The following PHF10 variants were observed in gnomAD, a reference collection of about 807,000 sequenced individuals.
The protein encoded by PHF10 is PHD finger protein 10.
A neutral mutation model predicts 68.5 loss-of-function variants in PHF10; 51 were observed. The ratio of observed to expected loss-of-function variants is 0.74; its 90% confidence interval spans 0.59 to 0.94. The LOEUF is 0.94. Ranked by LOEUF, PHF10 falls within the 40% of genes least tolerant of loss-of-function variation. The probability of loss-of-function intolerance (pLI) is 0.00; values close to 1 mark genes in which losing one functional copy is unlikely to be tolerated. For missense variants in PHF10, 460 were observed against 602.6 expected (o/e 0.76, Z 2.48); for synonymous variants, 204 against 203.5 (o/e 1.00, Z -0.02).
chr6:169,711,106 G>A (rs1181320705), intron 8 of PHF10, among the ~76,000 whole-genome samples: 2 of 152,026 alleles, frequency 1.3e-5, no homozygotes, highest in Non-Finnish European at 2.9e-5. Flanking sequence ...AAACATGAAT[G>A]TATCTACTTT....
chr6:169,712,637 C>T lies in PHF10; in HGVS notation c.804-98G>A. ...AGATAGCCTTAAACTTCTTGAGTAACCCCGAAGACTTTTGAAAACTAGAGT... is the reference window on the plus strand; with the variant it reads ...AGATAGCCTTAAACTTCTTGAGTAATCCCGAAGACTTTTGAAAACTAGAGT... On this transcript the variant is annotated intron_variant, in intron 7 of 11. Coordinates refer to ENST00000339209, the MANE Select transcript of PHF10 (RefSeq NM_018288.4). The T allele has an allele frequency of 1.1e-5, 11 of 1,006,406 alleles. No individual in the cohort carries two copies. In the South Asian group the frequency reaches 1.7e-4, roughly 16 times the overall value. 62.3% of individuals were successfully genotyped at this position (1,006,406 alleles called of 1,614,324 possible).
chr6:169,717,870 A>G lies in PHF10; in HGVS notation c.362T>C (p.Leu121Pro), dbSNP rs1420266186. The G allele has an allele frequency of 6.4e-7, 1 of 1,573,552 alleles. No homozygotes were observed. Among genetic ancestry groups the G allele is most frequent in the East Asian group, 2.3e-5 (1 of 44,416 alleles). Reference protein sequence around the residue: ...ERRDLSHKEKLYLRELNVITE... With the variant: ...ERRDLSHKEKPYLRELNVITE... ...AATGACATTTAGCTCTCTCAGGTAG[A>G]GTTTCTCCTTGTGAGACAAATCTCG... The change falls in exon 4 of 12, where the codon CTC becomes CCC. Residue 121 changes from leucine to proline, a missense_variant. Around this residue, in one of 3 missense-constraint regions of PHF10, gnomAD observed 256 missense variants for 410.5 expected, o/e 0.62. Coordinates refer to ENST00000339209, the MANE Select transcript of PHF10 (RefSeq NM_018288.4).
intron 9 of PHF10, chr6:169,709,381 A>C (rs1273003759): frequency 1.3e-5 from 2 of 152,180 alleles, no homozygotes; most frequent in Non-Finnish European, 2.9e-5. Flanking sequence ...AATACATTTC[A>C]GACCAAAAGA....
At position 169,715,439 on chromosome 6, in the gene PHF10, C is replaced by T. The variant is rs372226323; in HGVS notation, c.693+269G>A. Reference sequence around the variant, plus strand: ...AAAATTAGCTGGGTGTGGTGGCAGGCGCCTGTAATCCCAGCTAATGGGGAG... The same window carrying T: ...AAAATTAGCTGGGTGTGGTGGCAGGTGCCTGTAATCCCAGCTAATGGGGAG... On this transcript the variant is annotated intron_variant, in intron 6 of 11. Coordinates refer to ENST00000339209, the MANE Select transcript of PHF10 (RefSeq NM_018288.4). Among the ~76,000 whole-genome samples, 42 of 152,142 alleles carry T rather than the reference C, an allele frequency of 2.8e-4. No homozygotes were observed. The South Asian group carries it at 4.0e-3, about 14-fold the overall frequency.
intron 1 of PHF10, among the ~76,000 whole-genome samples, chr6:169,722,479 T>C (rs542064013): frequency 6.6e-5 from 10 of 152,328 alleles, no homozygotes; most frequent in South Asian, 6.2e-4. Context: ...AGCTAAAAAG[T>C]TGAGACACTC....
At chr6:169,704,879 A>C (rs568761769) in intron 11 of PHF10, 46 of 360,560 alleles carry the variant, frequency 1.3e-4, no homozygotes, top group Middle Eastern at 7.6e-4. Context: ...TTCAGTAGAA[A>C]AACACCAGCT....
Position 169,704,009 on chromosome 6 carries a change from C to T in PHF10, c.1491G>A (p.Glu497=), listed in dbSNP as rs757890809. ...ATTAGAGTCAAAAACTATTTTATCC[C>T]TCTTTGCTGTTTTTCCCCCTTCTGC... ...KVGRRGKNSK[E]G is the part of the protein sequence containing the mutation. The change falls in exon 12 of 12, where the codon GAG becomes GAA. Residue 497 remains glutamate (E), a synonymous_variant. Transcript: ENST00000339209. 4 of 1,600,182 alleles carry T rather than the reference C, an allele frequency of 2.5e-6. No homozygotes were observed. Among genetic ancestry groups the T allele is most frequent in the East Asian group, 4.5e-5 (2 of 44,056 alleles).
In PHF10 at chr6:169,715,637, G is replaced by T. The variant is rs554271248; in HGVS notation, c.693+71C>A. On this transcript the variant is annotated intron_variant, in intron 6 of 11. Transcript: ENST00000339209. ...GGTGGTACAAAAAATAACGATAAAG[G>T]GGGTGATGGGCACTCTGCAATAACA... The T allele has an allele frequency of 4.5e-5, 55 of 1,223,206 alleles. No homozygotes were observed. In the South Asian group the frequency reaches 6.9e-4, roughly 15 times the overall value. 75.8% of individuals were successfully genotyped at this position (1,223,206 alleles called of 1,614,324 possible).
chr6:169,708,834 C>T (rs550302393), intron 9 of PHF10: 44 of 152,318 alleles, frequency 2.9e-4, no homozygotes, highest in African/African-American at 9.6e-4. Flanking sequence ...TGAGCGGCCA[C>T]TTCCATTTAA....
In PHF10 at chr6:169,705,604, T is replaced by C; in HGVS notation, c.1222+12A>G. On this transcript the variant is annotated intron_variant, in intron 10 of 11. Transcript: ENST00000339209. ...GGTGGTTAAAATTTTAAAAAGACAT[T>C]TCAATACTTACCACTATTCTCACAT... The C allele has an allele frequency of 8.0e-7, 1 of 1,257,396 alleles. No individual in the cohort carries two copies. The allele number at this position is 1,257,396 out of a possible 1,614,324, so 77.9% of individuals were successfully genotyped here. A position where few individuals can be genotyped will look rare whatever the true frequency, so the allele number is the denominator to read the frequency against.
intron 3 of PHF10, 68 bp downstream of exon 3, chr6:169,718,720 C>T (rs1157315375): frequency 7.7e-6 from 7 of 910,014 alleles, no homozygotes; most frequent in Non-Finnish European, 1.2e-5. Flanking sequence ...CAGAAAAATT[C>T]AGAAGTTGAC....
At chr6:169,721,690 A>AGG in intron 1 of PHF10, among the ~76,000 whole-genome samples, 1 of 145,874 alleles carries the variant, frequency 6.9e-6, no homozygotes, top group South Asian at 2.2e-4. Flanking sequence ...TTTTTTAAAG[A>AGG]AGATTATATA....
At chr6:169,723,793 CA>C (rs1789246626) in intron 1 of PHF10, 51 bp downstream of exon 1, 1 of 575,972 alleles carries the variant, frequency 1.7e-6, no homozygotes, top group African/African-American at 2.0e-5. Flanking sequence ...CACGCCCCGG[CA>C]CCCAGGCCCG....
intron 10 of PHF10, 30 bp from the exon 11 acceptor site, chr6:169,705,351 C>T (rs1219623292): frequency 2.0e-6 from 3 of 1,495,392 alleles, no homozygotes; most frequent in Admixed American, 2.0e-5. Context: ...AGTGGTATCT[C>T]ACATAAGAAA....
Position 169,715,941 on chromosome 6 carries a change from C to A in PHF10, c.543+14G>T, listed in dbSNP as rs1789037184. On this transcript the variant is annotated intron_variant, in intron 5 of 11. Coordinates refer to ENST00000339209, the MANE Select transcript of PHF10 (RefSeq NM_018288.4). ...CAACCCAAATAAAAAATGCCAGTCA[C>A]CTCAATTACTTACGGAATACTCTTT... The A allele has an allele frequency of 1.2e-6, 2 of 1,600,926 alleles. No individual in the cohort carries two copies. Among genetic ancestry groups the A allele is most frequent in the Non-Finnish European group, 1.7e-6 (2 of 1,173,250 alleles).
At chr6:169,721,999 CTG>C (rs1261821255) in intron 1 of PHF10, among the ~76,000 whole-genome samples, 1 of 152,208 alleles carries the variant, frequency 6.6e-6, no homozygotes, top group Non-Finnish European at 1.5e-5. Context: ...TCACTGGGCA[CTG>C]TCCCTCACTA....
At chr6:169,719,153 G>A (rs998689694) in intron 2 of PHF10, 3 of 323,866 alleles carry the variant, frequency 9.3e-6, no homozygotes, top group East Asian at 6.7e-5. Flanking sequence ...TGGGAAGAAC[G>A]TAGAATCACA....
rs1317281736 is a variant in PHF10, at chr6:169,724,409, C to T, written c.-478G>A. Among the ~76,000 whole-genome samples, 5 of 143,924 alleles carry T rather than the reference C, an allele frequency of 3.5e-5. No homozygotes were observed. Among genetic ancestry groups the T allele is most frequent in the African/African-American group, 5.0e-5 (2 of 40,016 alleles). 94.4% of individuals were successfully genotyped at this position (143,924 alleles called of 152,430 possible). A position where few individuals can be genotyped will look rare whatever the true frequency, so the allele number is the denominator to read the frequency against. ...CTCAGCCCCGCCGCTCGCCTCAGCC[C>T]CGCCGCTCGCCTCAGCCCCGCCGCT... On this transcript the variant is annotated 5_prime_UTR_variant, in exon 1 of 12. Transcript: ENST00000339209.
chr6:169,721,434 T>C (rs1789174994), intron 1 of PHF10, among the ~76,000 whole-genome samples: 2 of 152,092 alleles, frequency 1.3e-5, no homozygotes, highest in Non-Finnish European at 2.9e-5. Context: ...GGGAAAAAAA[T>C]GTATGGATCA....
Sources: allele counts gnomAD v4.1 joint callset (sites outside exome capture counted in the v4.1 genomes callset), GRCh38; gene constraint gnomAD v4.1.1; regional missense constraint gnomAD v4.1.1; transcripts MANE v1.5; gene names NCBI Gene and HGNC (gene_info 2026-07-23, HGNC 2026-07-21).